Variants in MVB12B observed in about 807,000 individuals in gnomAD.
The protein encoded by MVB12B is multivesicular body subunit 12B.
Under a neutral mutation model 41.6 loss-of-function variants are expected in MVB12B, and 16 were observed. The observed-to-expected ratio is 0.38, with a 90% confidence interval of 0.26 to 0.58. The LOEUF is 0.58. Ranked by LOEUF, MVB12B falls within the 20% of genes least tolerant of loss-of-function variation. MVB12B has a pLI of 0.62. For missense variants in MVB12B, 274 were observed against 380.2 expected, an observed-to-expected ratio of 0.72 and a Z score of 2.32; for synonymous variants, 133 against 139.7, an observed-to-expected ratio of 0.95 and a Z score of 0.34.
chr9:126,356,912 C>T (rs1225160232), intron 2 of MVB12B, among the ~76,000 whole-genome samples: 1 of 151,958 alleles, frequency 6.6e-6, no homozygotes, highest in East Asian at 1.9e-4. Context: ...CAAGCAGATG[C>T]CGGTGCCATG....
intron 2 of MVB12B, among the ~76,000 whole-genome samples, chr9:126,368,570 A>G (rs1175427478): frequency 6.6e-6 from 1 of 152,238 alleles, no homozygotes. Context: ...ATCAAAGCTC[A>G]TCTCAGAAAA....
At chr9:126,441,189 C>A (rs1482583294) in intron 7 of MVB12B, among the ~76,000 whole-genome samples, 2 of 152,242 alleles carry the variant, frequency 1.3e-5, no homozygotes, top group Non-Finnish European at 2.9e-5. Context: ...AAAACCCTCT[C>A]ACTCATTCCC....
intron 7 of MVB12B, among the ~76,000 whole-genome samples, chr9:126,470,744 T>A (rs1306149227): frequency 6.6e-6 from 1 of 151,938 alleles, no homozygotes; most frequent in African/African-American, 2.4e-5. Flanking sequence ...GGCACCCTGG[T>A]CTGGGTGCCC....
At chr9:126,421,759 C>T (rs568169869) in intron 6 of MVB12B, 95 bp from the exon 7 acceptor site, 13 of 914,890 alleles carry the variant, frequency 1.4e-5, no homozygotes, top group South Asian at 1.4e-4. Flanking sequence ...GCCCGCTGAT[C>T]TGTGCTGCAT....
At chr9:126,490,795 G>A (rs10819171) in intron 9 of MVB12B, among the ~76,000 whole-genome samples, 60,985 of 152,088 alleles carry the variant, frequency 0.4, 13,030 homozygotes, top group East Asian at 0.7. Flanking sequence ...GGAGCTTACA[G>A]TTTTAATTTT....
At chr9:126,405,286 A>C (rs1831387179) in intron 6 of MVB12B, among the ~76,000 whole-genome samples, 1 of 151,230 alleles carries the variant, frequency 6.6e-6, no homozygotes, top group Non-Finnish European at 1.5e-5. Flanking sequence ...TAGAAATGGG[A>C]AATTATTCCC....
rs1218920471 is a variant in MVB12B, at chr9:126,392,418, T to G, written c.539+223T>G. 6.6e-6 allele frequency among the ~76,000 whole-genome samples: 1 copy of G among 152,200 alleles called. No individual in the cohort carries two copies. The highest frequency in any genetic ancestry group is 1.5e-5 in the Non-Finnish European group (1 of 68,036). ...CTTAGGGCCTTTCCTCCCCTGCCCT[T>G]CTGCGCATTCAGCCTTGAAGCTCCT... On this transcript the variant is annotated intron_variant, in intron 5 of 9. Transcript: ENST00000361171. The surrounding 1 kb of genome is among the most constrained non-coding windows in gnomAD (Gnocchi z 4.8).
intron 6 of MVB12B, among the ~76,000 whole-genome samples, chr9:126,403,633 T>A (rs1831330529): frequency 6.6e-6 from 1 of 152,222 alleles, no homozygotes; most frequent in South Asian, 2.1e-4. Context: ...GCAATGATGA[T>A]CATATTGCAT....
intron 6 of MVB12B, among the ~76,000 whole-genome samples, chr9:126,413,168 C>G (rs1050309144): frequency 3.3e-5 from 5 of 152,182 alleles, no homozygotes; most frequent in African/African-American, 1.2e-4. Flanking sequence ...GCATAATATT[C>G]TGAGTCAGAC....
At chr9:126,328,520 A>G (rs566930721) in intron 1 of MVB12B, among the ~76,000 whole-genome samples, 26 of 152,240 alleles carry the variant, frequency 1.7e-4, no homozygotes, top group Non-Finnish European at 3.1e-4. Context: ...TGGCTTTCCT[A>G]CTTACTTTGT....
At chr9:126,440,751 CTT>C (rs1044190677) in intron 7 of MVB12B, among the ~76,000 whole-genome samples, 31 of 152,032 alleles carry the variant, frequency 2.0e-4, no homozygotes, top group African/African-American at 6.5e-4. Flanking sequence ...AGTTCAGAGA[CTT>C]TTCTAATTAC....
At chr9:126,449,529 C>T (rs1249800303) in intron 7 of MVB12B, among the ~76,000 whole-genome samples, 1 of 152,196 alleles carries the variant, frequency 6.6e-6, no homozygotes, top group East Asian at 1.9e-4. Context: ...GAGAGTCATT[C>T]TTCATGGTTA....
At chr9:126,344,047 TAAAAAA>T (rs80127150) in intron 2 of MVB12B, among the ~76,000 whole-genome samples, 2 of 128,800 alleles carry the variant, frequency 1.6e-5, no homozygotes, top group African/African-American at 2.9e-5. Context: ...CTTTTCTTGG[TAAAAAA>T]AAAAAAAAAA....
At chr9:126,353,279 A>C (rs1326502881) in intron 2 of MVB12B, among the ~76,000 whole-genome samples, 1 of 152,238 alleles carries the variant, frequency 6.6e-6, no homozygotes, top group African/African-American at 2.4e-5. Context: ...TGCAAGTATT[A>C]TACTGTATAA....
chr9:126,358,434 G>A (rs1829941915), intron 2 of MVB12B, among the ~76,000 whole-genome samples: 1 of 152,012 alleles, frequency 6.6e-6, no homozygotes, highest in African/African-American at 2.4e-5. Flanking sequence ...TAAGTCTTCA[G>A]ATCCATGGAT....
intron 7 of MVB12B, among the ~76,000 whole-genome samples, chr9:126,425,632 C>G (rs1233917406): frequency 6.6e-6 from 1 of 152,182 alleles, no homozygotes; most frequent in Non-Finnish European, 1.5e-5. Flanking sequence ...CCCTGTTATG[C>G]AGTCCCCTGA....
chr9:126,396,888 A>G (rs1168965302), intron 6 of MVB12B: 1 of 985,372 alleles, frequency 1.0e-6, no homozygotes, highest in South Asian at 4.7e-5. Context: ...GTTGGGTTCA[A>G]GAGTGTGAGG....
chr9:126,376,578 A>G lies in MVB12B; in HGVS notation c.205-4486A>G. 7.8e-7 allele frequency: 1 copy of G among 1,289,384 alleles called. No individual in the cohort carries two copies. The highest frequency in any genetic ancestry group is 1.0e-6 in the Non-Finnish European group (1 of 988,864). 79.9% of individuals were successfully genotyped at this position (1,289,384 alleles called of 1,614,324 possible). A position where few individuals can be genotyped will look rare whatever the true frequency, so the allele number is the denominator to read the frequency against. ...TCCACCCTGGCGCTTTCCAGAGACA[A>G]AGCCCTCAGTGTCCAGTGTTCAGGG... On this transcript the variant is annotated intron_variant, in intron 2 of 9. Coordinates refer to ENST00000361171, the MANE Select transcript of MVB12B (RefSeq NM_033446.3). The surrounding 1 kb of genome is among the most constrained non-coding windows in gnomAD (Gnocchi z 4.1).
At chr9:126,407,702 G>A (rs10987268) in intron 6 of MVB12B, among the ~76,000 whole-genome samples, 10,948 of 152,140 alleles carry the variant, frequency 0.072, 530 homozygotes, top group Non-Finnish European at 0.1. Context: ...AATGGCTACG[G>A]CATGTCCTCC....
Sources: allele counts gnomAD v4.1 joint callset (sites outside exome capture counted in the v4.1 genomes callset), GRCh38; gene constraint gnomAD v4.1.1; non-coding constraint Gnocchi (gnomAD v3.1); transcripts MANE v1.5; gene names NCBI Gene and HGNC (gene_info 2026-07-23, HGNC 2026-07-21).